MARK3: variants seen among roughly 807,000 people sequenced by gnomAD.
MARK3 encodes the protein microtubule affinity regulating kinase 3.
MARK3 carries 46 observed loss-of-function variants against 90.1 expected under a neutral mutation model. That is an observed-to-expected ratio of 0.51 (90% CI 0.40 to 0.65). MARK3 has a LOEUF of 0.65. Ranked by LOEUF, MARK3 falls within the 30% of genes least tolerant of loss-of-function variation. The pLI is 0.00. For missense variants in MARK3, 818 were observed against 947.2 expected (o/e 0.86, Z 1.79); for synonymous variants, 321 against 332.6 (o/e 0.97, Z 0.38).
Position 103,448,911 on chromosome 14 carries a change from T to G in MARK3, c.298-8T>G, listed in dbSNP as rs551986741. 1.9e-6 allele frequency: 3 copies of G among 1,558,774 alleles called. No homozygotes were observed. The highest frequency in any genetic ancestry group is 2.6e-6 in the Non-Finnish European group (3 of 1,148,716). ...GGGATTATGTGTTTTGTTTGTTTTTTTTTTTAGCTCTTCAGAGAAGTAAGA... is the reference window on the plus strand; with the variant it reads ...GGGATTATGTGTTTTGTTTGTTTTTGTTTTTAGCTCTTCAGAGAAGTAAGA... On this transcript the variant is annotated splice_polypyrimidine_tract_variant and splice_region_variant and intron_variant, in intron 3 of 17. Coordinates refer to ENST00000429436, the MANE Select transcript of MARK3 (RefSeq NM_001128918.3).
chr14:103,409,894 T>G (rs962859612), intron 2 of MARK3, among the ~76,000 whole-genome samples: 2 of 152,198 alleles, frequency 1.3e-5, no homozygotes, highest in Non-Finnish European at 2.9e-5. Context: ...TGGACATTCT[T>G]TAGCATTGCG....
chr14:103,400,623 A>G (rs570367501), intron 1 of MARK3, among the ~76,000 whole-genome samples: 1 of 152,274 alleles, frequency 6.6e-6, no homozygotes, highest in South Asian at 2.1e-4. Context: ...TAGTCCAGGT[A>G]TGGTGGCTTA....
In MARK3 at chr14:103,460,172, G is replaced by A. The variant is rs190024731; in HGVS notation, c.484-2233G>A. On this transcript the variant is annotated intron_variant, in intron 6 of 17. Coordinates refer to ENST00000429436, the MANE Select transcript of MARK3 (RefSeq NM_001128918.3). ...GCGATCTCGGCTCACTGCAAGCTCC[G>A]CCCCCTGGGTTCACGCCATTCTTCT... Among the ~76,000 whole-genome samples, 559 of 127,330 alleles carry A rather than the reference G, an allele frequency of 4.4e-3. 17 individuals carry two copies. The highest frequency in any genetic ancestry group is 1.1e-3 in the East Asian group (4 of 3,706). The allele number at this position is 127,330 out of a possible 152,430, so 83.5% of individuals were successfully genotyped here. A position where few individuals can be genotyped will look rare whatever the true frequency, so the allele number is the denominator to read the frequency against.
intron 2 of MARK3, among the ~76,000 whole-genome samples, chr14:103,410,231 G>A (rs999818883): frequency 1.3e-5 from 2 of 152,158 alleles, no homozygotes; most frequent in African/African-American, 2.4e-5. Flanking sequence ...GCTGCATCTG[G>A]CCAGGGCCTT....
At chr14:103,494,443 C>T (rs1272558999) in intron 15 of MARK3, among the ~76,000 whole-genome samples, 1 of 147,536 alleles carries the variant, frequency 6.8e-6, no homozygotes, top group East Asian at 2.0e-4. Flanking sequence ...CCCAGGGAGA[C>T]TGAGGCAGGA....
chr14:103,458,825 T>A lies in MARK3; in HGVS notation c.483+1613T>A, dbSNP rs546143747. ...GTGATAGGACTTATTAAGTTTCTTA[T>A]AAACGTTGCTTATATTTTGCTGTTG... is the stretch of plus-strand genomic sequence containing the variant. On this transcript the variant is annotated intron_variant, in intron 6 of 17. Transcript: ENST00000429436. 1.3e-5 allele frequency: 8 copies of A among 635,168 alleles called. No homozygotes were observed. In the South Asian group the frequency reaches 1.5e-4, roughly 12 times the overall value. The allele number at this position is 635,168 out of a possible 1,614,324, so 39.3% of individuals were successfully genotyped here.
chr14:103,398,295 G>A (rs1307785607), intron 1 of MARK3, among the ~76,000 whole-genome samples: 1 of 152,176 alleles, frequency 6.6e-6, no homozygotes, highest in African/African-American at 2.4e-5. Context: ...TCCATCAATA[G>A]TGCACCACAG....
At chr14:103,398,712 C>T (rs891993480) in intron 1 of MARK3, among the ~76,000 whole-genome samples, 1 of 152,156 alleles carries the variant, frequency 6.6e-6, no homozygotes, top group African/African-American at 2.4e-5. Context: ...CTTATCAAAT[C>T]CTTTTTCTAT....
intron 1 of MARK3, among the ~76,000 whole-genome samples, chr14:103,404,367 T>G (rs1295423595): frequency 6.6e-6 from 1 of 152,170 alleles, no homozygotes; most frequent in African/African-American, 2.4e-5. Flanking sequence ...CATCTAATCC[T>G]TTGAGTGTGT....
chr14:103,447,896 C>T (rs2093034963), intron 3 of MARK3, among the ~76,000 whole-genome samples: 1 of 152,078 alleles, frequency 6.6e-6, no homozygotes, highest in Non-Finnish European at 1.5e-5. Context: ...GCTCAGCCTC[C>T]CGAGTAGCTG....
At chr14:103,413,066 G>T (rs1342461229) in intron 2 of MARK3, among the ~76,000 whole-genome samples, 1 of 151,718 alleles carries the variant, frequency 6.6e-6, no homozygotes, top group Non-Finnish European at 1.5e-5. Context: ...GTAGAGACGG[G>T]TTTCTCCATG....
At chr14:103,391,288 C>T (rs780038289) in intron 1 of MARK3, among the ~76,000 whole-genome samples, 19 of 152,182 alleles carry the variant, frequency 1.2e-4, no homozygotes, top group Non-Finnish European at 2.5e-4. Flanking sequence ...CTTAGCCCCC[C>T]ATGTACTCAA....
chr14:103,491,639 T>C lies in MARK3; in HGVS notation c.1587-138T>C, dbSNP rs2094017895. The C allele has an allele frequency of 7.4e-6, 6 of 805,762 alleles. No homozygotes were observed. In the East Asian group the frequency reaches 1.6e-4, roughly 21 times the overall value. 49.9% of individuals were successfully genotyped at this position (805,762 alleles called of 1,614,324 possible). A position where few individuals can be genotyped will look rare whatever the true frequency, so the allele number is the denominator to read the frequency against. On this transcript the variant is annotated intron_variant, in intron 14 of 17. Coordinates refer to ENST00000429436, the MANE Select transcript of MARK3 (RefSeq NM_001128918.3). ...ACCCTTTCCCACTTAACTTACCTTTTGCTCCTAAGTCCTATAAAATACCCC... is the reference window on the plus strand; with the variant it reads ...ACCCTTTCCCACTTAACTTACCTTTCGCTCCTAAGTCCTATAAAATACCCC...
At chr14:103,434,843 T>C (rs534489823) in intron 3 of MARK3, among the ~76,000 whole-genome samples, 1 of 152,310 alleles carries the variant, frequency 6.6e-6, no homozygotes, top group South Asian at 2.1e-4. Flanking sequence ...CGTTTTTTGC[T>C]TCTAATTTCA....
At chr14:103,463,539 A>G (rs10149270) in intron 7 of MARK3, among the ~76,000 whole-genome samples, 147,251 of 152,290 alleles carry the variant, frequency 0.97, 71,357 homozygotes, top group East Asian at 1. Context: ...TCCCTCAAGT[A>G]CCTTACTCTC....
rs750630186 is a variant in MARK3 at position 103,466,415 on chromosome 14, C to G, written c.970C>G (p.Leu324Val). Residue 324 changes from leucine (L) to valine (V), a missense_variant, in exon 10 of 18, where the codon CTA becomes GTA. Coordinates refer to ENST00000429436, the MANE Select transcript of MARK3 (RefSeq NM_001128918.3). ...ACTCAAACCATTTGTTGAACCAGAG[C>G]TAGACATCTCAGACCAAAAAAGAAT... is the stretch of plus-strand genomic sequence containing the variant. ...DELKPFVEPE[L>V]DISDQKRIDI... 28 of 1,613,372 alleles carry G rather than the reference C, an allele frequency of 1.7e-5. No homozygotes were observed. Among genetic ancestry groups the G allele is most frequent in the Non-Finnish European group, 2.1e-5 (25 of 1,179,514 alleles).
intron 15 of MARK3, among the ~76,000 whole-genome samples, chr14:103,493,421 T>A (rs1156964756): frequency 6.6e-6 from 1 of 152,046 alleles, no homozygotes; most frequent in Non-Finnish European, 1.5e-5. Flanking sequence ...TTTACCCTCT[T>A]ACTCACTTCT....
rs140798104 is a variant in MARK3 at position 103,416,509 on chromosome 14, G to A, written c.243+11242G>A. On this transcript the variant is annotated intron_variant, in intron 2 of 17. Transcript: ENST00000429436. ...AAGCAAGCCAGGCGTGGTGGATCAC[G>A]CCTGTAATCCCTGCACTTCGGGAGG... is the stretch of plus-strand genomic sequence containing the variant. Among the ~76,000 whole-genome samples the A allele has an allele frequency of 1.0e-3, 158 of 152,306 alleles. 5 individuals carry two copies. In the East Asian group the frequency reaches 0.026, roughly 25 times the overall value.
intron 3 of MARK3, among the ~76,000 whole-genome samples, chr14:103,444,130 C>CT (rs906565658): frequency 1.2e-5 from 1 of 85,220 alleles, no homozygotes; most frequent in Non-Finnish European, 2.4e-5. Flanking sequence ...TTCTCTCTCT[C>CT]TTTTTTTTCT....
Sources: gnomAD v4.1 joint callset for allele counts (sites outside exome capture counted in the v4.1 genomes callset) on GRCh38, gnomAD v4.1.1 for gene constraint, MANE v1.5 for transcripts, NCBI Gene and HGNC (gene_info 2026-07-23, HGNC 2026-07-21) for gene names.